TIMM23B: variants seen among roughly 807,000 people sequenced by gnomAD.
TIMM23B encodes mitochondrial import inner membrane translocase subunit Tim23B.
Under a neutral mutation model 27.3 loss-of-function variants are expected in TIMM23B, and 27 were observed. That is an observed-to-expected ratio of 0.99 (90% CI 0.73 to 1.36). The LOEUF (loss-of-function observed/expected upper bound fraction) is 1.36, where lower values mean the gene tolerates loss of function less well. Among genes scored for constraint, TIMM23B ranks in the 40% most tolerant of loss-of-function variants. The probability of loss-of-function intolerance (pLI) is 0.00; values close to 1 mark genes in which losing one functional copy is unlikely to be tolerated. For missense variants in TIMM23B, 205 were observed against 244.2 expected, an observed-to-expected ratio of 0.84 and a Z score of 1.07; for synonymous variants, 73 against 92.4, an observed-to-expected ratio of 0.79 and a Z score of 1.21.
chr10:49,954,961 A>T (rs1316598789), intron 4 of TIMM23B, 41 bp from the exon 5 acceptor site: 1 of 1,610,084 alleles, frequency 6.2e-7, no homozygotes, highest in African/African-American at 1.3e-5. Context: ...TAGAGAAATA[A>T]TGATTCTAAA....
chr10:49,963,633 A>G (rs1425131610), intron 6 of TIMM23B, among the ~76,000 whole-genome samples: 1 of 151,866 alleles, frequency 6.6e-6, no homozygotes, highest in East Asian at 1.9e-4. Context: ...CCGTCTTGAA[A>G]TGAAATGATG....
intron 4 of TIMM23B, among the ~76,000 whole-genome samples, chr10:49,952,958 G>A (rs1407030251): frequency 2.0e-5 from 3 of 152,184 alleles, no homozygotes; most frequent in African/African-American, 7.2e-5. Flanking sequence ...ACTTCTTACT[G>A]TCTTGACTTT....
intron 4 of TIMM23B, among the ~76,000 whole-genome samples, chr10:49,952,993 C>T (rs1323326445): frequency 2.0e-5 from 3 of 152,146 alleles, no homozygotes; most frequent in South Asian, 2.1e-4. Context: ...GAGCCAGATA[C>T]ATTTTAAATA....
At chr10:49,959,786 T>TC (rs1218616946) in intron 6 of TIMM23B, among the ~76,000 whole-genome samples, 1 of 152,004 alleles carries the variant, frequency 6.6e-6, no homozygotes, top group Non-Finnish European at 1.5e-5. Flanking sequence ...AGTCTTGGTG[T>TC]CACCCAGGCT....
chr10:49,943,838 TA>T (rs1839264778), intron 1 of TIMM23B, among the ~76,000 whole-genome samples: 1 of 151,684 alleles, frequency 6.6e-6, no homozygotes. Context: ...ACATTGCCTT[TA>T]GTGATAAGTG....
At chr10:49,971,213 C>G (rs1840430354) in intron 6 of TIMM23B, among the ~76,000 whole-genome samples, 2 of 152,008 alleles carry the variant, frequency 1.3e-5, no homozygotes, top group African/African-American at 4.8e-5. Flanking sequence ...GGTCCTCTGC[C>G]TAGGAAAACC....
chr10:49,944,777 A>G (rs1345110888), intron 1 of TIMM23B, among the ~76,000 whole-genome samples: 1 of 152,258 alleles, frequency 6.6e-6, no homozygotes, highest in Non-Finnish European at 1.5e-5. Flanking sequence ...TTCAAAAATC[A>G]GATCTATGAC....
At chr10:49,945,178 C>G in intron 2 of TIMM23B, 88 bp downstream of exon 2, 1 of 1,397,572 alleles carries the variant, frequency 7.2e-7, no homozygotes, top group African/African-American at 1.4e-5. Context: ...CTATGACATA[C>G]ACTTCTGGAG....
chr10:49,955,382 G>GT (rs1839681169), intron 5 of TIMM23B, among the ~76,000 whole-genome samples: 2 of 152,180 alleles, frequency 1.3e-5, no homozygotes, highest in South Asian at 4.1e-4. Flanking sequence ...AAAGAGCTTT[G>GT]TATGTTAGAC....
At chr10:49,965,076 C>G (rs546550958) in intron 6 of TIMM23B, among the ~76,000 whole-genome samples, 279 of 152,082 alleles carry the variant, frequency 1.8e-3, no homozygotes, top group East Asian at 0.017. Flanking sequence ...AAAAATTAGC[C>G]GGGCATGATG....
At chr10:49,960,138 C>T (rs1839849965) in intron 6 of TIMM23B, among the ~76,000 whole-genome samples, 1 of 148,022 alleles carries the variant, frequency 6.8e-6, no homozygotes, top group African/African-American at 2.5e-5. Flanking sequence ...GCCTTGACCT[C>T]CTGGGCTCAG....
chr10:49,955,085 T>C, intron 5 of TIMM23B, 25 bp downstream of exon 5: 1 of 1,608,456 alleles, frequency 6.2e-7, no homozygotes, highest in Admixed American at 1.7e-5. Context: ...CGTTTGATAA[T>C]AAATTGTTAA....
chr10:49,948,802 A>T (rs2133055693), intron 2 of TIMM23B, among the ~76,000 whole-genome samples: 1 of 152,332 alleles, frequency 6.6e-6, no homozygotes, highest in Non-Finnish European at 1.5e-5. Flanking sequence ...CACAACTCTG[A>T]ATATACTAAA....
At chr10:49,948,748 G>A (rs1839429918) in intron 2 of TIMM23B, among the ~76,000 whole-genome samples, 1 of 152,124 alleles carries the variant, frequency 6.6e-6, no homozygotes, top group African/African-American at 2.4e-5. Context: ...TGATTTTTTT[G>A]GGGGGTGATG....
intron 6 of TIMM23B, among the ~76,000 whole-genome samples, chr10:49,965,406 A>G (rs574888009): frequency 6.6e-6 from 1 of 151,674 alleles, no homozygotes; most frequent in South Asian, 2.1e-4. Context: ...TACGTCATGA[A>G]ATTGAAAAAT....
intron 4 of TIMM23B, chr10:49,954,320 G>T: frequency 2.2e-6 from 1 of 454,414 alleles, no homozygotes; most frequent in Non-Finnish European, 4.4e-6. Flanking sequence ...CTGTTCTGGT[G>T]GTGTCTGGCA....
chr10:49,966,058 G>A (rs575105245), intron 6 of TIMM23B, among the ~76,000 whole-genome samples: 97 of 115,288 alleles, frequency 8.4e-4, no homozygotes, highest in African/African-American at 2.5e-3. Context: ...TCTCTGTCTC[G>A]AAATGAAATG....
intron 1 of TIMM23B, 35 bp downstream of exon 1, chr10:49,942,335 C>G (rs1173529762): frequency 1.3e-6 from 2 of 1,587,322 alleles, no homozygotes; most frequent in African/African-American, 2.7e-5. Flanking sequence ...TTATTTCTGA[C>G]TGGTTCTTGC....
At chr10:49,954,569 A>G (rs1839651448) in intron 4 of TIMM23B, among the ~76,000 whole-genome samples, 1 of 152,078 alleles carries the variant, frequency 6.6e-6, no homozygotes, top group South Asian at 2.1e-4. Flanking sequence ...TTCCCCTCCC[A>G]AAAAGAACCT....
Sources: gnomAD v4.1 joint callset for allele counts (sites outside exome capture counted in the v4.1 genomes callset) on GRCh38, gnomAD v4.1.1 for gene constraint, MANE v1.5 for transcripts, NCBI Gene and HGNC (gene_info 2026-07-23, HGNC 2026-07-21) for gene names.